Variants in PODXL observed in about 807,000 individuals in gnomAD.
PODXL encodes podocalyxin.
In PODXL, 20 loss-of-function variants were observed where a neutral mutation model predicts 48.9. That is an observed-to-expected ratio of 0.41 (90% CI 0.29 to 0.59). The LOEUF (loss-of-function observed/expected upper bound fraction) is 0.59, where lower values mean the gene tolerates loss of function less well. Among genes scored for constraint, PODXL ranks in the 20% least tolerant of loss-of-function variants. PODXL has a pLI of 0.31. For missense variants in PODXL, 606 were observed against 675.1 expected (o/e 0.90, Z 1.13); for synonymous variants, 295 against 287.4 (o/e 1.03, Z -0.27).
chr7:131,556,181 G>T, intron 1 of PODXL, 79 bp downstream of exon 1: 1 of 1,355,204 alleles, frequency 7.4e-7, no homozygotes, highest in Non-Finnish European at 9.5e-7. Flanking sequence ...GCGGCGCGCC[G>T]GGCTTCCCTG....
intron 1 of PODXL, among the ~76,000 whole-genome samples, chr7:131,543,684 C>A (rs1256425325): frequency 5.3e-5 from 8 of 152,102 alleles, no homozygotes; most frequent in African/African-American, 1.9e-4. Context: ...TGCTGCACCC[C>A]TCTTGGTTGT....
At position 131,539,488 on chromosome 7, in the gene PODXL, G is replaced by A. The variant is rs556207735; in HGVS notation, c.100+16772C>T. On this transcript the variant is annotated intron_variant, in intron 1 of 8. Transcript: ENST00000378555. Reference sequence around the variant, plus strand: ...TGGGATTACAGGCACGCACCACCACGCTCAGCTCATTTTTGTATTTTTAGT... The same window carrying A: ...TGGGATTACAGGCACGCACCACCACACTCAGCTCATTTTTGTATTTTTAGT... Among the ~76,000 whole-genome samples the A allele has an allele frequency of 2.0e-5, 3 of 152,138 alleles. No individual in the cohort carries two copies. The East Asian group carries it at 5.8e-4, about 29-fold the overall frequency.
intron 1 of PODXL, among the ~76,000 whole-genome samples, chr7:131,522,804 G>A (rs1356319664): frequency 6.6e-6 from 1 of 152,190 alleles, no homozygotes; most frequent in African/African-American, 2.4e-5. Flanking sequence ...GTGTTTTCAA[G>A]CTTTTCTCTT....
chr7:131,547,305 G>C (rs906851295), intron 1 of PODXL, among the ~76,000 whole-genome samples: 1 of 146,564 alleles, frequency 6.8e-6, no homozygotes, highest in Non-Finnish European at 1.5e-5. Flanking sequence ...CCCGGGAGGC[G>C]GAGGTAGTGG....
At position 131,503,138 on chromosome 7, in the gene PODXL, A is replaced by G. The variant is rs1161365201; in HGVS notation, c.*1173T>C. On this transcript the variant is annotated 3_prime_UTR_variant, in exon 9 of 9. Transcript: ENST00000378555. ...GGCTGGGTTAGAAAACAACTATAACAAAACTCTCAGCAACTTGAAATGTCC... is the reference window on the plus strand; with the variant it reads ...GGCTGGGTTAGAAAACAACTATAACGAAACTCTCAGCAACTTGAAATGTCC... The G allele has an allele frequency of 2.0e-5, 3 of 152,702 alleles. No homozygotes were observed. The highest frequency in any genetic ancestry group is 7.2e-5 in the African/African-American group (3 of 41,454). 9.5% of individuals were successfully genotyped at this position (152,702 alleles called of 1,614,324 possible).
chr7:131,530,925 G>C (rs1295466855), intron 1 of PODXL, among the ~76,000 whole-genome samples: 1 of 152,100 alleles, frequency 6.6e-6, no homozygotes, highest in Non-Finnish European at 1.5e-5. Flanking sequence ...GGGCGTGGTG[G>C]CACATGCCTC....
At position 131,504,027 on chromosome 7, in the gene PODXL, C is replaced by A; in HGVS notation, c.*284G>T. 2.1e-6 allele frequency: 1 copy of A among 471,470 alleles called. No individual in the cohort carries two copies. Among genetic ancestry groups the A allele is most frequent in the African/African-American group, 2.0e-5 (1 of 51,156 alleles). 29.2% of individuals were successfully genotyped at this position (471,470 alleles called of 1,614,324 possible). A position where few individuals can be genotyped will look rare whatever the true frequency, so the allele number is the denominator to read the frequency against. On this transcript the variant is annotated 3_prime_UTR_variant, in exon 9 of 9. Coordinates refer to ENST00000378555, the MANE Select transcript of PODXL (RefSeq NM_001018111.3). ...ATCTCACTGCAGAATGAAGGGATTCCACTAGTTCATCTATAAAGTCCCTTA... is the reference window on the plus strand; with the variant it reads ...ATCTCACTGCAGAATGAAGGGATTCAACTAGTTCATCTATAAAGTCCCTTA...
chr7:131,533,497 T>G (rs1248831405), intron 1 of PODXL, among the ~76,000 whole-genome samples: 2 of 151,866 alleles, frequency 1.3e-5, no homozygotes, highest in African/African-American at 4.9e-5. Context: ...CCTGCTTCCC[T>G]GGGCAGGAGA....
At chr7:131,550,472 T>C (rs929097659) in intron 1 of PODXL, among the ~76,000 whole-genome samples, 1 of 152,040 alleles carries the variant, frequency 6.6e-6, no homozygotes, top group African/African-American at 2.4e-5. Flanking sequence ...CTGGCCAACA[T>C]GGTGAGACCC....
chr7:131,539,004 C>T (rs1281853350), intron 1 of PODXL, among the ~76,000 whole-genome samples: 1 of 152,248 alleles, frequency 6.6e-6, no homozygotes, highest in Non-Finnish European at 1.5e-5. Context: ...GGACAGCCAA[C>T]ACACCAGCCA....
chr7:131,540,193 G>A (rs186589511), intron 1 of PODXL, among the ~76,000 whole-genome samples: 220 of 152,216 alleles, frequency 1.4e-3, no homozygotes, highest in African/African-American at 4.9e-3. Context: ...CCACAGGTGT[G>A]CACCACCACA....
At chr7:131,535,301 CT>C (rs1177811690) in intron 1 of PODXL, among the ~76,000 whole-genome samples, 1 of 152,114 alleles carries the variant, frequency 6.6e-6, no homozygotes, top group Admixed American at 6.5e-5. Flanking sequence ...CTTAATGCCA[CT>C]GAACTGCACC....
intron 1 of PODXL, among the ~76,000 whole-genome samples, chr7:131,549,367 C>G (rs1171046600): frequency 1.3e-5 from 2 of 152,104 alleles, no homozygotes; most frequent in Non-Finnish European, 2.9e-5. Flanking sequence ...GGCAGGCTAC[C>G]CCAGCTGGAG....
intron 1 of PODXL, among the ~76,000 whole-genome samples, chr7:131,553,848 C>T (rs1043992171): frequency 3.3e-5 from 5 of 152,280 alleles, no homozygotes; most frequent in East Asian, 1.9e-4. Context: ...TCACAAATAA[C>T]GAAACGGAGG....
intron 1 of PODXL, among the ~76,000 whole-genome samples, chr7:131,547,632 AC>A (rs1798602728): frequency 6.6e-6 from 1 of 152,166 alleles, no homozygotes; most frequent in Non-Finnish European, 1.5e-5. Flanking sequence ...CTTCACCATC[AC>A]AGCAAAATTT....
intron 1 of PODXL, among the ~76,000 whole-genome samples, chr7:131,546,896 T>C (rs1383744785): frequency 4.6e-5 from 7 of 152,110 alleles, no homozygotes; most frequent in African/African-American, 1.2e-4. Flanking sequence ...CATCTAAAAC[T>C]GCGGTCTCCA....
chr7:131,541,385 G>A (rs1001193505), intron 1 of PODXL, among the ~76,000 whole-genome samples: 14 of 151,958 alleles, frequency 9.2e-5, no homozygotes, highest in Admixed American at 7.2e-4. Flanking sequence ...GTGGGAAGGT[G>A]TTGCTTAAAA....
chr7:131,513,701 C>A (rs1160686888), intron 1 of PODXL, among the ~76,000 whole-genome samples: 1 of 152,200 alleles, frequency 6.6e-6, no homozygotes, highest in African/African-American at 2.4e-5. Flanking sequence ...TCATCCTGGG[C>A]CGCAGCGCCA....
chr7:131,548,028 T>C (rs1051135243), intron 1 of PODXL, among the ~76,000 whole-genome samples: 1 of 152,094 alleles, frequency 6.6e-6, no homozygotes, highest in Non-Finnish European at 1.5e-5. Flanking sequence ...CTTATGGGGG[T>C]CCTGGGACAC....
Sources: allele counts gnomAD v4.1 joint callset (sites outside exome capture counted in the v4.1 genomes callset), GRCh38; gene constraint gnomAD v4.1.1; transcripts MANE v1.5; gene names NCBI Gene and HGNC (gene_info 2026-07-23, HGNC 2026-07-21).